The following ZNF521 variants were observed in gnomAD, a reference collection of about 807,000 sequenced individuals.
ZNF521 encodes zinc finger protein 521.
ZNF521 carries 14 observed loss-of-function variants against 105.5 expected under a neutral mutation model. The observed-to-expected ratio is 0.13, with a 90% CI of 0.09 to 0.21. The LOEUF is 0.21. Among genes scored for constraint, ZNF521 ranks in the 10% least tolerant of loss-of-function variants. The probability of loss-of-function intolerance (pLI) is 1.00; values close to 1 mark genes in which losing one functional copy is unlikely to be tolerated. For synonymous variants in ZNF521, 635 were observed against 606.0 expected (o/e 1.05, Z -0.70); for missense variants, 1,233 against 1,629.7 (o/e 0.76, Z 4.19).
At chr18:25,083,151 T>C (rs747925105) in intron 7 of ZNF521, among the ~76,000 whole-genome samples, 3 of 152,188 alleles carry the variant, frequency 2.0e-5, no homozygotes, top group Admixed American at 1.3e-4. Context: ...CAGGGGAGTG[T>C]ATTAGTTTGG....
intron 2 of ZNF521, among the ~76,000 whole-genome samples, chr18:25,333,333 T>TATAC (rs1427207304): frequency 1.2e-4 from 18 of 149,736 alleles, no homozygotes; most frequent in East Asian, 7.8e-4. Flanking sequence ...TATATATATA[T>TATAC]ACACACATAT....
chr18:25,190,777 T>G (rs537986555), intron 5 of ZNF521, among the ~76,000 whole-genome samples: 6 of 152,326 alleles, frequency 3.9e-5, no homozygotes, highest in Admixed American at 1.3e-4. Flanking sequence ...AAGAACGGAT[T>G]TACTCATTCT....
At chr18:25,207,168 C>T (rs948996629) in intron 4 of ZNF521, among the ~76,000 whole-genome samples, 2 of 152,072 alleles carry the variant, frequency 1.3e-5, no homozygotes, top group Non-Finnish European at 2.9e-5. Flanking sequence ...TTGAAACGGA[C>T]AAGTAAGTTC....
rs1020511825 is a variant in ZNF521, at chr18:25,089,839, T to G, written c.3791-259A>C. Among the ~76,000 whole-genome samples the G allele has an allele frequency of 3.3e-5, 5 of 152,122 alleles. No individual in the cohort carries two copies. In the East Asian group the frequency reaches 5.8e-4, roughly 18 times the overall value. ...ATGGAGGCCCTGCTCCCTATAAATC[T>G]TTAAAAAATAAAGCCGAAAACTGTC... On this transcript the variant is annotated intron_variant, in intron 6 of 7. Transcript: ENST00000361524.
At chr18:25,185,806 G>A (rs73404933) in intron 5 of ZNF521, among the ~76,000 whole-genome samples, 2,958 of 152,266 alleles carry the variant, frequency 0.019, 103 homozygotes, top group African/African-American at 0.068. Context: ...AACGGAAGAA[G>A]AGGTAGCAGG....
At position 25,224,927 on chromosome 18, in the gene ZNF521, G is replaced by T; in HGVS notation, c.2991C>A (p.Leu997=). The change falls in exon 4 of 8, where the codon CTC becomes CTA. Residue 997 remains leucine (L), a synonymous_variant. Transcript: ENST00000361524. The part of the protein sequence containing the change: ...TGNCRICKMP[L]QSEEEFLEHC... ...GCTCTAAAAACTCCTCTTCACTCTG[G>T]AGAGGCATCTTGCAAATCCGGCAGT... is the stretch of plus-strand genomic sequence containing the variant. The T allele has an allele frequency of 1.2e-6, 2 of 1,613,924 alleles. No homozygotes were observed. The highest frequency in any genetic ancestry group is 1.7e-6 in the Non-Finnish European group (2 of 1,180,026).
At chr18:25,198,730 C>T (rs562377426) in intron 4 of ZNF521, among the ~76,000 whole-genome samples, 2 of 151,800 alleles carry the variant, frequency 1.3e-5, no homozygotes, top group African/African-American at 2.4e-5. Flanking sequence ...AAGTGTAGGT[C>T]GTGCCTATTT....
At chr18:25,183,056 G>A (rs1228783404) in intron 5 of ZNF521, among the ~76,000 whole-genome samples, 1 of 151,922 alleles carries the variant, frequency 6.6e-6, no homozygotes, top group Non-Finnish European at 1.5e-5. Flanking sequence ...AATATTATAA[G>A]AAAAACTGAT....
At chr18:25,064,724 A>G (rs2033007616) in intron 7 of ZNF521, among the ~76,000 whole-genome samples, 1 of 152,180 alleles carries the variant, frequency 6.6e-6, no homozygotes, top group South Asian at 2.1e-4. Flanking sequence ...CTGAGAACCA[A>G]TTGGGGCTGC....
rs1227568202 is a variant in ZNF521, at chr18:25,212,565, A to ATATATATATATATATG, written c.3573+11779_3573+11780insCATATATATATATATA. On this transcript the variant is annotated intron_variant, in intron 4 of 7. Coordinates refer to ENST00000361524, the MANE Select transcript of ZNF521 (RefSeq NM_015461.3). ...TATATATATATATATATATATATAT[A>ATATATATATATATATG]TGTATAGAAACATATATTTTAAAAC... is the stretch of plus-strand genomic sequence containing the variant. 1.5e-3 allele frequency among the ~76,000 whole-genome samples: 172 copies of ATATATATATATATATG among 112,740 alleles called. 2 individuals are homozygous for ATATATATATATATATG. The highest frequency in any genetic ancestry group is 0.01 in the Middle Eastern group (2 of 198). The allele number at this position is 112,740 out of a possible 152,430, so 74.0% of individuals were successfully genotyped here.
At chr18:25,126,996 A>G (rs1386126521) in intron 5 of ZNF521, among the ~76,000 whole-genome samples, 1 of 152,012 alleles carries the variant, frequency 6.6e-6, no homozygotes, top group African/African-American at 2.4e-5. Context: ...ATGGGTTTGT[A>G]TTATTGGTGG....
At position 25,195,141 on chromosome 18, in the gene ZNF521, G is replaced by A; in HGVS notation, c.3658+19C>T. The A allele has an allele frequency of 6.4e-7, 1 of 1,569,142 alleles. No individual in the cohort carries two copies. The highest frequency in any genetic ancestry group is 8.7e-7 in the Non-Finnish European group (1 of 1,146,530). ...CAGAAGAAACATCTATCTGTAATAA[G>A]GTTTAGAGTGTCACTCACCAATCAT... On this transcript the variant is annotated intron_variant, in intron 5 of 7. Transcript: ENST00000361524.
chr18:25,112,265 G>A (rs568022439), intron 5 of ZNF521, among the ~76,000 whole-genome samples: 4 of 152,264 alleles, frequency 2.6e-5, no homozygotes, highest in African/African-American at 9.6e-5. Context: ...TGAGGCAGTC[G>A]CTAGGGGCCC....
intron 5 of ZNF521, among the ~76,000 whole-genome samples, chr18:25,138,728 A>G (rs1042658376): frequency 1.3e-5 from 2 of 152,202 alleles, no homozygotes; most frequent in African/African-American, 4.8e-5. Context: ...CATTTCATTC[A>G]ATGCCCCGAT....
At chr18:25,087,264 A>C (rs976586819) in intron 7 of ZNF521, among the ~76,000 whole-genome samples, 1 of 152,208 alleles carries the variant, frequency 6.6e-6, no homozygotes, top group Non-Finnish European at 1.5e-5. Flanking sequence ...AGTGAATACT[A>C]TATGTTCCAC....
At chr18:25,333,135 A>T (rs1913675009) in intron 2 of ZNF521, among the ~76,000 whole-genome samples, 1 of 151,858 alleles carries the variant, frequency 6.6e-6, no homozygotes. Flanking sequence ...ATATGTAAAC[A>T]TATTTTCAAA....
chr18:25,324,049 A>AT (rs2145153078), intron 2 of ZNF521, among the ~76,000 whole-genome samples: 1 of 152,258 alleles, frequency 6.6e-6, no homozygotes, highest in Admixed American at 6.5e-5. Flanking sequence ...GAAAATTATT[A>AT]TCTCAACATT....
chr18:25,091,847 T>G, intron 6 of ZNF521, 103 bp downstream of exon 6: 1 of 1,403,010 alleles, frequency 7.1e-7, no homozygotes. Flanking sequence ...TGAACTGAAG[T>G]CATGTCTGTA....
chr18:25,130,036 C>T lies in ZNF521; in HGVS notation c.3659-37955G>A, dbSNP rs977029098. Among the ~76,000 whole-genome samples the T allele has an allele frequency of 3.9e-5, 6 of 152,146 alleles. No individual in the cohort carries two copies. The South Asian group carries it at 6.2e-4, about 16-fold the overall frequency. ...GTATGTCCACACAAAAACCTGCACA[C>T]GAATGTTTACAGCAGCTTTAGTTAT... is the stretch of plus-strand genomic sequence containing the variant. On this transcript the variant is annotated intron_variant, in intron 5 of 7. Coordinates refer to ENST00000361524, the MANE Select transcript of ZNF521 (RefSeq NM_015461.3).
Sources: allele counts gnomAD v4.1 joint callset (sites outside exome capture counted in the v4.1 genomes callset), GRCh38; gene constraint gnomAD v4.1.1; transcripts MANE v1.5; gene names NCBI Gene and HGNC (gene_info 2026-07-23, HGNC 2026-07-21).